CYB5RL: variants seen among roughly 807,000 people sequenced by gnomAD.
CYB5RL encodes cytochrome b5 reductase like.
A neutral mutation model predicts 37.5 loss-of-function variants in CYB5RL; 38 were observed. That is an observed-to-expected ratio of 1.01 (90% CI 0.78 to 1.33). The LOEUF (loss-of-function observed/expected upper bound fraction) is 1.33, where lower values mean the gene tolerates loss of function less well. CYB5RL is among the 40% of genes most tolerant of loss of function. The pLI is 0.00. For missense variants in CYB5RL, 388 were observed against 394.4 expected (o/e 0.98, Z 0.14); for synonymous variants, 141 against 151.9 (o/e 0.93, Z 0.53).
In CYB5RL at chr1:54,170,774, T is replaced by A. The variant is rs1659873611; in HGVS notation, c.*3845A>T. 3.7e-6 allele frequency: 1 copy of A among 272,158 alleles called. No individual in the cohort carries two copies. Among genetic ancestry groups the A allele is most frequent in the African/African-American group, 2.2e-5 (1 of 45,952 alleles). 16.9% of individuals were successfully genotyped at this position (272,158 alleles called of 1,614,324 possible). A position where few individuals can be genotyped will look rare whatever the true frequency, so the allele number is the denominator to read the frequency against. On this transcript the variant is annotated 3_prime_UTR_variant, in exon 8 of 8. Transcript: ENST00000534324. ...GTGTCACACACAACCTTTACCACAATCACATGCTGGAACTTGTGTATCCCT... is the reference window on the plus strand; with the variant it reads ...GTGTCACACACAACCTTTACCACAAACACATGCTGGAACTTGTGTATCCCT...
chr1:54,195,416 C>T lies in CYB5RL; in HGVS notation c.198+3G>A, dbSNP rs1447858058. 6.3e-7 allele frequency: 1 copy of T among 1,581,412 alleles called. No homozygotes were observed. Among genetic ancestry groups the T allele is most frequent in the African/African-American group, 1.3e-5 (1 of 74,394 alleles). On this transcript the variant is annotated splice_donor_region_variant and intron_variant, in intron 3 of 7. Transcript: ENST00000534324. ...GCTCATATCGAGAAGCAGCCTCTCT[C>T]ACCTGTGACTCTGGCCCACGCAGCA... is the stretch of plus-strand genomic sequence containing the variant.
At position 54,195,406 on chromosome 1, in the gene CYB5RL, C is replaced by T. The variant is rs752888358; in HGVS notation, c.198+13G>A. On this transcript the variant is annotated intron_variant, in intron 3 of 7. Coordinates refer to ENST00000534324, the MANE Select transcript of CYB5RL (RefSeq NM_001031672.4). The stretch of plus-strand genomic sequence containing the variant: ...TTGCCCTGGTGCTCATATCGAGAAG[C>T]AGCCTCTCTCACCTGTGACTCTGGC... 5.0e-5 allele frequency: 78 copies of T among 1,562,826 alleles called. No individual in the cohort carries two copies. Among genetic ancestry groups the T allele is most frequent in the Non-Finnish European group, 5.8e-5 (67 of 1,149,030 alleles).
chr1:54,170,960 C>T lies in CYB5RL; in HGVS notation c.*3659G>A, dbSNP rs553551405. On this transcript the variant is annotated 3_prime_UTR_variant, in exon 8 of 8. Coordinates refer to ENST00000534324, the MANE Select transcript of CYB5RL (RefSeq NM_001031672.4). ...CACTTCCTGAACATTAGTTGTTTAT[C>T]GCTCAGGTATTCGACATCCAGGAAG... 2.2e-4 allele frequency: 79 copies of T among 355,540 alleles called. No individual in the cohort carries two copies. In the East Asian group the frequency reaches 4.4e-3, roughly 20 times the overall value. 22.0% of individuals were successfully genotyped at this position (355,540 alleles called of 1,614,324 possible). A position where few individuals can be genotyped will look rare whatever the true frequency, so the allele number is the denominator to read the frequency against.
chr1:54,189,250 G>C (rs534047229), intron 4 of CYB5RL, among the ~76,000 whole-genome samples: 2 of 152,314 alleles, frequency 1.3e-5, no homozygotes, highest in African/African-American at 4.8e-5. Flanking sequence ...ACAGAGCACA[G>C]AGCATGGCTT....
intron 3 of CYB5RL, among the ~76,000 whole-genome samples, chr1:54,194,412 T>C (rs1378121094): frequency 1.3e-5 from 2 of 151,898 alleles, no homozygotes; most frequent in African/African-American, 4.8e-5. Context: ...GAAAAACAAC[T>C]GCATTTGTTC....
At position 54,180,199 on chromosome 1, in the gene CYB5RL, T is replaced by C. The variant is rs368528182; in HGVS notation, c.541-847A>G. On this transcript the variant is annotated intron_variant, in intron 6 of 7. Coordinates refer to ENST00000534324, the MANE Select transcript of CYB5RL (RefSeq NM_001031672.4). Reference sequence around the variant, plus strand: ...TTGCAGTGAGTCGAGATCATGCCACTGCACTCCAGCCTGGGCAACAGAGCA... The same window carrying C: ...TTGCAGTGAGTCGAGATCATGCCACCGCACTCCAGCCTGGGCAACAGAGCA... 2.6e-3 allele frequency: 1,060 copies of C among 403,020 alleles called. 9 individuals are homozygous for C. The highest frequency in any genetic ancestry group is 0.022 in the African/African-American group (984 of 44,364). 25.0% of individuals were successfully genotyped at this position (403,020 alleles called of 1,614,324 possible). A position where few individuals can be genotyped will look rare whatever the true frequency, so the allele number is the denominator to read the frequency against.
At chr1:54,179,608 G>A (rs545738020) in intron 6 of CYB5RL, among the ~76,000 whole-genome samples, 1 of 152,296 alleles carries the variant, frequency 6.6e-6, no homozygotes, top group African/African-American at 2.4e-5. Flanking sequence ...TCCTGTAAGT[G>A]GCCTGGTTGC....
intron 6 of CYB5RL, among the ~76,000 whole-genome samples, chr1:54,182,332 T>C (rs1660182268): frequency 6.6e-6 from 1 of 152,236 alleles, no homozygotes; most frequent in Non-Finnish European, 1.5e-5. Flanking sequence ...ACGTGCTTGA[T>C]ATTATTATAC....
intron 1 of CYB5RL, among the ~76,000 whole-genome samples, chr1:54,196,890 G>A (rs1402497156): frequency 6.6e-6 from 1 of 152,158 alleles, no homozygotes; most frequent in Non-Finnish European, 1.5e-5. Context: ...GCAGCTTCAG[G>A]CAGAATGAGA....
rs368711832 is a variant in CYB5RL at position 54,174,681 on chromosome 1, T to C, written c.886A>G (p.Lys296Glu). Residue 296 changes from lysine to glutamate, a missense_variant, in exon 8 of 8, where the codon AAA becomes GAA. Coordinates refer to ENST00000534324, the MANE Select transcript of CYB5RL (RefSeq NM_001031672.4). ...CACAGTAAGCACCTGGCTATGTCTT[T>C]GGTGAACTCAGCCGAGCCACAGACC... Reference protein sequence around the residue: ...ALVCGSAEFTKDIARCLLCAG... With the variant: ...ALVCGSAEFTEDIARCLLCAG... 557 of 1,613,624 alleles carry C rather than the reference T, an allele frequency of 3.5e-4. 3 individuals carry two copies. Among genetic ancestry groups the C allele is most frequent in the Non-Finnish European group, 4.3e-4 (506 of 1,179,754 alleles).
chr1:54,171,201 G>C lies in CYB5RL; in HGVS notation c.*3418C>G, dbSNP rs1198399385. The C allele has an allele frequency of 4.4e-6, 2 of 456,192 alleles. No homozygotes were observed. Among genetic ancestry groups the C allele is most frequent in the Admixed American group, 4.7e-5 (2 of 42,572 alleles). 28.3% of individuals were successfully genotyped at this position (456,192 alleles called of 1,614,324 possible). A position where few individuals can be genotyped will look rare whatever the true frequency, so the allele number is the denominator to read the frequency against. ...AAAAAAGGTGAGTGGGAGATCGGAA[G>C]GTGGGAGGCTGGCCAGGCAGAGGAA... On this transcript the variant is annotated 3_prime_UTR_variant, in exon 8 of 8. Coordinates refer to ENST00000534324, the MANE Select transcript of CYB5RL (RefSeq NM_001031672.4).
At position 54,171,148 on chromosome 1, in the gene CYB5RL, G is replaced by A. The variant is rs1309770932; in HGVS notation, c.*3471C>T. 3 of 455,904 alleles carry A rather than the reference G, an allele frequency of 6.6e-6. No homozygotes were observed. The highest frequency in any genetic ancestry group is 2.0e-5 in the African/African-American group (1 of 50,052). 28.2% of individuals were successfully genotyped at this position (455,904 alleles called of 1,614,324 possible). On this transcript the variant is annotated 3_prime_UTR_variant, in exon 8 of 8. Coordinates refer to ENST00000534324, the MANE Select transcript of CYB5RL (RefSeq NM_001031672.4). The stretch of plus-strand genomic sequence containing the variant: ...GAGGCTCCCGGGAGGAAGTGACACT[G>A]AGCTGAGACCTCAAAAGATGAGGAG...
At position 54,171,175 on chromosome 1, in the gene CYB5RL, C is replaced by T. The variant is rs1659882464; in HGVS notation, c.*3444G>A. The T allele has an allele frequency of 2.2e-6, 1 of 455,560 alleles. No individual in the cohort carries two copies. The highest frequency in any genetic ancestry group is 4.4e-6 in the Non-Finnish European group (1 of 226,736). 28.2% of individuals were successfully genotyped at this position (455,560 alleles called of 1,614,324 possible). On this transcript the variant is annotated 3_prime_UTR_variant, in exon 8 of 8. Coordinates refer to ENST00000534324, the MANE Select transcript of CYB5RL (RefSeq NM_001031672.4). Reference sequence around the variant, plus strand: ...GCTGAGACCTCAAAAGATGAGGAGGCAAAAAAGGTGAGTGGGAGATCGGAA... The same window carrying T: ...GCTGAGACCTCAAAAGATGAGGAGGTAAAAAAGGTGAGTGGGAGATCGGAA...
chr1:54,179,047 C>T, intron 7 of CYB5RL, 102 bp downstream of exon 7: 1 of 1,363,348 alleles, frequency 7.3e-7, no homozygotes, highest in Non-Finnish European at 1.0e-6. Context: ...GGATTATGAC[C>T]ACAGCATCCA....
At chr1:54,197,971 T>C (rs1644025107) in intron 1 of CYB5RL, among the ~76,000 whole-genome samples, 1 of 135,520 alleles carries the variant, frequency 7.4e-6, no homozygotes. Context: ...GAGGCTGCAG[T>C]GAGCTGAGAT....
At position 54,198,506 on chromosome 1, in the gene CYB5RL, G is replaced by C. The variant is rs1303610569; in HGVS notation, c.-223+1470C>G. ...CGCCACCACGCCCAGCTAATTTTTT[G>C]TATTTTTAGTAGAGACGGGGTTTCA... On this transcript the variant is annotated intron_variant, in intron 1 of 7. Transcript: ENST00000534324. Among the ~76,000 whole-genome samples, 4 of 151,308 alleles carry C rather than the reference G, an allele frequency of 2.6e-5. No homozygotes were observed. In the East Asian group the frequency reaches 5.9e-4, roughly 22 times the overall value.
intron 4 of CYB5RL, 56 bp from the exon 5 acceptor site, chr1:54,187,795 G>C: frequency 6.7e-7 from 1 of 1,499,330 alleles, no homozygotes; most frequent in African/African-American, 1.4e-5. Flanking sequence ...CCCTTTTAAG[G>C]CTGGGCACGG....
At chr1:54,179,377 G>T in intron 6 of CYB5RL, 25 bp from the exon 7 acceptor site, 1 of 1,602,638 alleles carries the variant, frequency 6.2e-7, no homozygotes, top group South Asian at 1.1e-5. Context: ...GGGTATGTAT[G>T]ACAGGTGGGT....
intron 3 of CYB5RL, among the ~76,000 whole-genome samples, chr1:54,193,350 T>A (rs780015317): frequency 3.3e-5 from 5 of 151,168 alleles, no homozygotes; most frequent in Non-Finnish European, 7.4e-5. Context: ...ATCTAGATGG[T>A]GTCTGGTAGT....
Sources: allele counts gnomAD v4.1 joint callset (sites outside exome capture counted in the v4.1 genomes callset), GRCh38; gene constraint gnomAD v4.1.1; transcripts MANE v1.5; gene names NCBI Gene and HGNC (gene_info 2026-07-23, HGNC 2026-07-21).